Variants in TSGA10 observed in about 807,000 individuals in gnomAD.
TSGA10 encodes testis specific 10, also known as testis-specific gene 10 protein.
TSGA10 carries 43 observed loss-of-function variants against 96.6 expected under a neutral mutation model. That is an observed-to-expected ratio of 0.44 (90% CI 0.35 to 0.57). TSGA10 has a LOEUF of 0.57. Ranked by LOEUF, TSGA10 falls within the 20% of genes least tolerant of loss-of-function variation. The pLI is 0.01. For synonymous variants in TSGA10, 229 were observed against 269.9 expected, an observed-to-expected ratio of 0.85 and a Z score of 1.48; for missense variants, 703 against 834.4, an observed-to-expected ratio of 0.84 and a Z score of 1.94.
At chr2:98,998,463 G>A (rs950680326) in intron 20 of TSGA10, among the ~76,000 whole-genome samples, 1 of 152,136 alleles carries the variant, frequency 6.6e-6, no homozygotes, top group Non-Finnish European at 1.5e-5. Context: ...CAGCTTGGAT[G>A]GATCTCACGG....
intron 1 of TSGA10, among the ~76,000 whole-genome samples, chr2:99,153,481 A>T (rs955029249): frequency 6.6e-6 from 1 of 152,128 alleles, no homozygotes; most frequent in African/African-American, 2.4e-5. Context: ...AGAAGTAGGT[A>T]AAGGTAAGAA....
At chr2:99,141,325 C>T in intron 1 of TSGA10, 1 of 313,958 alleles carries the variant, frequency 3.2e-6, no homozygotes, top group Middle Eastern at 1.1e-3. Context: ...CGCCGTGGCC[C>T]CGCCCTCACG....
At chr2:99,095,236 G>C (rs1305192241) in intron 10 of TSGA10, among the ~76,000 whole-genome samples, 1 of 152,004 alleles carries the variant, frequency 6.6e-6, no homozygotes, top group East Asian at 1.9e-4. Context: ...ATGGACTTTG[G>C]GGATTTAGGG....
chr2:99,038,163 T>C (rs897303993), intron 16 of TSGA10, among the ~76,000 whole-genome samples: 1 of 152,128 alleles, frequency 6.6e-6, no homozygotes, highest in African/African-American at 2.4e-5. Flanking sequence ...GTTCTAAATC[T>C]TGAGACAAAA....
chr2:99,032,691 G>A (rs943586235), intron 17 of TSGA10, among the ~76,000 whole-genome samples: 1 of 152,196 alleles, frequency 6.6e-6, no homozygotes, highest in African/African-American at 2.4e-5. Context: ...TGCTATTGGT[G>A]GAGAGTTGAT....
chr2:99,026,385 G>C (rs2080562644), intron 17 of TSGA10, among the ~76,000 whole-genome samples: 1 of 151,810 alleles, frequency 6.6e-6, no homozygotes, highest in African/African-American at 2.4e-5. Flanking sequence ...ATAGAAGAAA[G>C]GACAACAAAA....
intron 1 of TSGA10, among the ~76,000 whole-genome samples, chr2:99,130,845 A>T (rs1042600666): frequency 2.6e-5 from 4 of 152,204 alleles, no homozygotes; most frequent in African/African-American, 9.7e-5. Context: ...GCATATGGCT[A>T]GCCAGTTTTC....
At chr2:99,015,788 A>G (rs1178095370) in intron 20 of TSGA10, among the ~76,000 whole-genome samples, 1 of 152,222 alleles carries the variant, frequency 6.6e-6, no homozygotes, top group African/African-American at 2.4e-5. Context: ...AAATGAATTC[A>G]GTAAAGTTTC....
At position 99,128,996 on chromosome 2, in the gene TSGA10, C is replaced by T. The variant is rs569714111; in HGVS notation, c.-620-1820G>A. Among the ~76,000 whole-genome samples, 68 of 152,312 alleles carry T rather than the reference C, an allele frequency of 4.5e-4. 1 individual carries two copies. In the South Asian group the frequency reaches 0.014, roughly 31 times the overall value. On this transcript the variant is annotated intron_variant, in intron 1 of 20. Transcript: ENST00000393483. Reference sequence around the variant, plus strand: ...CTCCTGGGCTCAAGAGATCCTCCCGCCTAGGTCTCCCTGGGATTACAGGCA... The same window carrying T: ...CTCCTGGGCTCAAGAGATCCTCCCGTCTAGGTCTCCCTGGGATTACAGGCA...
intron 10 of TSGA10, among the ~76,000 whole-genome samples, chr2:99,101,542 C>G (rs1267567826): frequency 1.3e-5 from 2 of 151,386 alleles, no homozygotes; most frequent in African/African-American, 4.9e-5. Flanking sequence ...AACTTGAAGG[C>G]AGGTCATTAG....
intron 1 of TSGA10, among the ~76,000 whole-genome samples, chr2:99,145,261 C>T (rs2964990): frequency 6.6e-6 from 1 of 152,072 alleles, no homozygotes; most frequent in Non-Finnish European, 1.5e-5. Flanking sequence ...TCTTTCACTT[C>T]TAAAGACTCT....
Position 99,044,181 on chromosome 2 carries a change from T to C in TSGA10, c.1405-8742A>G, listed in dbSNP as rs368000288. Among the ~76,000 whole-genome samples, 9 of 152,096 alleles carry C rather than the reference T, an allele frequency of 5.9e-5. No homozygotes were observed. In the South Asian group the frequency reaches 1.2e-3, roughly 21 times the overall value. On this transcript the variant is annotated intron_variant, in intron 16 of 20. Coordinates refer to ENST00000393483, the MANE Select transcript of TSGA10 (RefSeq NM_025244.4). Reference sequence around the variant, plus strand: ...AGGATCGAATTCACACATAACAATATTAACCTTAAATGTAACTGGGCTAAA... The same window carrying C: ...AGGATCGAATTCACACATAACAATACTAACCTTAAATGTAACTGGGCTAAA...
chr2:99,138,785 C>A (rs754329021), intron 1 of TSGA10, among the ~76,000 whole-genome samples: 20 of 152,154 alleles, frequency 1.3e-4, no homozygotes, highest in Non-Finnish European at 2.4e-4. Flanking sequence ...CCTTTACAAA[C>A]AATTTCAGGG....
chr2:99,087,419 T>C (rs781214261), intron 10 of TSGA10, among the ~76,000 whole-genome samples: 35 of 151,930 alleles, frequency 2.3e-4, no homozygotes, highest in Non-Finnish European at 3.7e-4. Context: ...GGCAGGAGAA[T>C]CGTTTGAACC....
At chr2:99,054,747 C>A (rs35816557) in intron 16 of TSGA10, among the ~76,000 whole-genome samples, 29,867 of 152,090 alleles carry the variant, frequency 0.2, 3,688 homozygotes, top group East Asian at 0.39. Flanking sequence ...TGTTAAAAAA[C>A]ACTCGACATT....
rs2093733801 is a variant in TSGA10, at chr2:99,154,930, G to A, written c.-858C>T. 1 of 447,728 alleles carries A rather than the reference G, an allele frequency of 2.2e-6. No individual in the cohort carries two copies. The highest frequency in any genetic ancestry group is 4.5e-6 in the Non-Finnish European group (1 of 222,022). 27.7% of individuals were successfully genotyped at this position (447,728 alleles called of 1,614,324 possible). On this transcript the variant is annotated 5_prime_UTR_variant, in exon 1 of 21. Coordinates refer to ENST00000393483, the MANE Select transcript of TSGA10 (RefSeq NM_025244.4). ...CGCCCCTCCTTCTCTTGCGCTTCAG[G>A]GGGCCGGCCCTCAGGGGGCGGGGCA...
intron 2 of TSGA10, 156 bp downstream of exon 2, chr2:99,126,892 G>T (rs1220535469): frequency 1.6e-6 from 1 of 631,392 alleles, no homozygotes; most frequent in Non-Finnish European, 2.3e-6. Context: ...CTGACTCTAT[G>T]TTTATCAAAA....
At chr2:99,017,769 A>G (rs1295367344) in intron 20 of TSGA10, among the ~76,000 whole-genome samples, 1 of 151,452 alleles carries the variant, frequency 6.6e-6, no homozygotes, top group East Asian at 1.9e-4. Flanking sequence ...CGTCTCAAAA[A>G]AAAAAAAAAA....
At chr2:99,073,310 T>C (rs983134984) in intron 12 of TSGA10, among the ~76,000 whole-genome samples, 1 of 152,108 alleles carries the variant, frequency 6.6e-6, no homozygotes, top group Non-Finnish European at 1.5e-5. Context: ...AATTATGAGA[T>C]CAGTATATCA....
Sources: allele counts gnomAD v4.1 joint callset (sites outside exome capture counted in the v4.1 genomes callset), GRCh38; gene constraint gnomAD v4.1.1; transcripts MANE v1.5; gene names NCBI Gene and HGNC (gene_info 2026-07-23, HGNC 2026-07-21).